The following EPB41L1 variants were observed in gnomAD, a reference collection of about 807,000 sequenced individuals.
EPB41L1 encodes erythrocyte membrane protein band 4.1 like 1, also known as band 4.1-like protein 1.
Under a neutral mutation model 97.8 loss-of-function variants are expected in EPB41L1, and 29 were observed. The ratio of observed to expected loss-of-function variants is 0.30; its 90% CI spans 0.22 to 0.40. EPB41L1 has a LOEUF of 0.40. Among genes scored for constraint, EPB41L1 ranks in the 10% least tolerant of loss-of-function variants. The probability of loss-of-function intolerance (pLI) is 1.00; values close to 1 mark genes in which losing one functional copy is unlikely to be tolerated. For synonymous variants in EPB41L1, 383 were observed against 459.2 expected (o/e 0.83, Z 2.12); for missense variants, 812 against 1,162.3 (o/e 0.70, Z 4.38).
chr20:36,192,097 G>C (rs2061979295), intron 11 of EPB41L1, among the ~76,000 whole-genome samples: 1 of 152,024 alleles, frequency 6.6e-6, no homozygotes, highest in Non-Finnish European at 1.5e-5. Flanking sequence ...GTGGTGGCAT[G>C]CACCTGTAAT....
chr20:36,119,482 A>G (rs902681643), intron 2 of EPB41L1, among the ~76,000 whole-genome samples: 4 of 152,142 alleles, frequency 2.6e-5, no homozygotes, highest in Non-Finnish European at 4.4e-5. Context: ...CACGCCTGTA[A>G]TCCCAGCTAC....
intron 2 of EPB41L1, among the ~76,000 whole-genome samples, chr20:36,138,762 G>GA (rs1192989350): frequency 8.5e-5 from 13 of 152,290 alleles, no homozygotes; most frequent in Non-Finnish European, 1.9e-4. Context: ...GGAAGCTTTG[G>GA]AACATGCACT....
intron 16 of EPB41L1, among the ~76,000 whole-genome samples, chr20:36,213,250 T>C (rs1381804042): frequency 6.6e-6 from 1 of 152,038 alleles, no homozygotes; most frequent in Non-Finnish European, 1.5e-5. Flanking sequence ...ATACAAAAAT[T>C]AGCTGGGCAT....
chr20:36,168,478 G>C (rs2060831798), intron 1 of EPB41L1, among the ~76,000 whole-genome samples: 1 of 151,770 alleles, frequency 6.6e-6, no homozygotes, highest in African/African-American at 2.4e-5. Context: ...CATTACTGCT[G>C]GTAATTATAG....
intron 1 of EPB41L1, among the ~76,000 whole-genome samples, chr20:36,096,376 G>A (rs1049596885): frequency 1.3e-5 from 2 of 152,178 alleles, no homozygotes; most frequent in African/African-American, 2.4e-5. Context: ...GGTTCTGAGC[G>A]AGGGGTTTCC....
chr20:36,196,848 T>TGG (rs1404421754), intron 13 of EPB41L1, among the ~76,000 whole-genome samples: 1 of 152,244 alleles, frequency 6.6e-6, no homozygotes, highest in African/African-American at 2.4e-5. Context: ...AAACAGCTTT[T>TGG]GGCAGGTCCC....
chr20:36,229,412 T>C lies in EPB41L1; in HGVS notation c.*72T>C. On this transcript the variant is annotated 3_prime_UTR_variant, in exon 22 of 22. Transcript: ENST00000338074. ...AACCATTAAGAAGGGGCCTTCATTC[T>C]GGATTCTCCGACGCAACACTGACGT... 2 of 1,520,610 alleles carry C rather than the reference T, an allele frequency of 1.3e-6. No individual in the cohort carries two copies. The highest frequency in any genetic ancestry group is 4.5e-5 in the East Asian group (2 of 44,270). The allele number at this position is 1,520,610 out of a possible 1,614,324, so 94.2% of individuals were successfully genotyped here. A position where few individuals can be genotyped will look rare whatever the true frequency, so the allele number is the denominator to read the frequency against.
At chr20:36,203,812 TG>T (rs1184107504) in intron 14 of EPB41L1, among the ~76,000 whole-genome samples, 5 of 152,184 alleles carry the variant, frequency 3.3e-5, no homozygotes, top group African/African-American at 1.2e-4. Flanking sequence ...ATTATTTTAA[TG>T]GGTTCTGATT....
At chr20:36,187,415 T>G (rs995455464) in intron 7 of EPB41L1, among the ~76,000 whole-genome samples, 1 of 152,144 alleles carries the variant, frequency 6.6e-6, no homozygotes, top group African/African-American at 2.4e-5. Context: ...GAGGCAAAAA[T>G]CCTGACTCCC....
At chr20:36,104,564 GT>G (rs1183156444) in intron 1 of EPB41L1, among the ~76,000 whole-genome samples, 4 of 152,130 alleles carry the variant, frequency 2.6e-5, no homozygotes, top group African/African-American at 9.7e-5. Context: ...GACCAGGGAG[GT>G]GGGGGGACAT....
At chr20:36,098,022 G>C (rs565364005) in intron 1 of EPB41L1, among the ~76,000 whole-genome samples, 1 of 152,280 alleles carries the variant, frequency 6.6e-6, no homozygotes, top group East Asian at 1.9e-4. Context: ...GGAAGGGAAG[G>C]ACTGTTGACC....
chr20:36,101,467 T>G (rs762010147), intron 1 of EPB41L1, among the ~76,000 whole-genome samples: 2 of 152,012 alleles, frequency 1.3e-5, no homozygotes, highest in Non-Finnish European at 2.9e-5. Flanking sequence ...CCCAGCCACC[T>G]GCCTGCCTGA....
intron 1 of EPB41L1, among the ~76,000 whole-genome samples, chr20:36,104,078 A>G (rs2058110699): frequency 6.6e-6 from 1 of 152,182 alleles, no homozygotes; most frequent in African/African-American, 2.4e-5. Context: ...GAGACAAAAA[A>G]ATAATAATAA....
chr20:36,104,322 T>C (rs1033940871), intron 1 of EPB41L1, among the ~76,000 whole-genome samples: 1 of 151,780 alleles, frequency 6.6e-6, no homozygotes, highest in Non-Finnish European at 1.5e-5. Flanking sequence ...GTGGGGTGCA[T>C]ATTTGGAGAG....
chr20:36,170,089 G>T (rs2060923606), intron 1 of EPB41L1, among the ~76,000 whole-genome samples: 1 of 152,184 alleles, frequency 6.6e-6, no homozygotes, highest in Admixed American at 6.5e-5. Context: ...GTGGCCTAGT[G>T]AGAGAACCAT....
rs559906605 is a variant in EPB41L1, at chr20:36,209,437, C to G, written c.1669-51C>G. 7 of 1,583,986 alleles carry G rather than the reference C, an allele frequency of 4.4e-6. No individual in the cohort carries two copies. The highest frequency in any genetic ancestry group is 6.0e-6 in the Non-Finnish European group (7 of 1,160,156). Reference sequence around the variant, plus strand: ...ATTCACCATCTTGATTTCTCTTTCTCTCTCTCTCCCCACCCCACATCCCCA... The same window carrying G: ...ATTCACCATCTTGATTTCTCTTTCTGTCTCTCTCCCCACCCCACATCCCCA... On this transcript the variant is annotated intron_variant, in intron 14 of 21. Transcript: ENST00000338074. This position sits in a 1 kb window ranked among gnomAD's most constrained non-coding sequence, Gnocchi z 4.2.
At chr20:36,151,574 C>T (rs1043207714), upstream of EPB41L1, 5 of 152,244 alleles carry the variant, frequency 3.3e-5, no homozygotes, top group African/African-American at 9.6e-5. Flanking sequence ...TATCCCTGTG[C>T]CTCAGTTTCC....
intron 1 of EPB41L1, among the ~76,000 whole-genome samples, chr20:36,159,394 A>AG (rs2060441041): frequency 6.6e-6 from 1 of 152,236 alleles, no homozygotes; most frequent in Admixed American, 6.5e-5. Context: ...GAACACCCAC[A>AG]GAAAAACTGC....
In EPB41L1 at chr20:36,188,641, C is replaced by CACACACACACAG. The variant is rs1170858082; in HGVS notation, c.1026+143_1026+144insCACACACACAGA. The CACACACACACAG allele has an allele frequency of 3.2e-4, 87 of 273,528 alleles. 1 individual carries two copies. The highest frequency in any genetic ancestry group is 7.3e-4 in the East Asian group (6 of 8,170). The allele number at this position is 273,528 out of a possible 1,614,324, so 16.9% of individuals were successfully genotyped here. A position where few individuals can be genotyped will look rare whatever the true frequency, so the allele number is the denominator to read the frequency against. On this transcript the variant is annotated intron_variant, in intron 9 of 21. Transcript: ENST00000338074. ...ACACACACACACACACACACACACA[C>CACACACACACAG]AGAGAGAGAGAGAGAGAGAGAGAGA...
Sources: allele counts gnomAD v4.1 joint callset (sites outside exome capture counted in the v4.1 genomes callset), GRCh38; gene constraint gnomAD v4.1.1; non-coding constraint Gnocchi (gnomAD v3.1); transcripts MANE v1.5; gene names NCBI Gene and HGNC (gene_info 2026-07-23, HGNC 2026-07-21).